The following CD163L1 variants were observed in gnomAD, a reference collection of about 807,000 sequenced individuals.
CD163L1 encodes the protein scavenger receptor cysteine-rich type 1 protein M160.
Under a neutral mutation model 165.4 loss-of-function variants are expected in CD163L1, and 124 were observed. That is an observed-to-expected ratio of 0.75 (90% CI 0.65 to 0.87). The LOEUF is 0.87. CD163L1 is among the 40% of genes least tolerant of loss of function. CD163L1 has a pLI of 0.00. For synonymous variants in CD163L1, 585 were observed against 662.2 expected (o/e 0.88, Z 1.79); for missense variants, 1,525 against 1,799.9 (o/e 0.85, Z 2.76).
chr12:7,421,485 A>ATATATACATATATATACACACATATG (rs1948404506), intron 4 of CD163L1, among the ~76,000 whole-genome samples: 1 of 102,786 alleles, frequency 9.7e-6, no homozygotes, highest in Non-Finnish European at 1.8e-5. Context: ...ATATATGTAC[A>ATATATACATATATATACACACATATG]TATATACATA....
chr12:7,441,307 C>G, intron 1 of CD163L1, 61 bp from the exon 2 acceptor site: 1 of 1,195,878 alleles, frequency 8.4e-7, no homozygotes, highest in South Asian at 1.2e-5. Flanking sequence ...GTTAGATGAC[C>G]TCAATGACTT....
chr12:7,342,418 T>C (rs1229775398), downstream of CD163L1, among the ~76,000 whole-genome samples: 1 of 152,240 alleles, frequency 6.6e-6, no homozygotes, highest in Non-Finnish European at 1.5e-5. Context: ...TTAGTTAATC[T>C]ATAATCTATA....
chr12:7,354,909 A>G (rs369715933), downstream of CD163L1: 1 of 152,160 alleles, frequency 6.6e-6, no homozygotes, highest in Admixed American at 6.5e-5. Flanking sequence ...GGATTTCAAC[A>G]TACAAATTTT....
In CD163L1 at chr12:7,374,594, G is replaced by A. The variant is rs763606774; in HGVS notation, c.3257C>T (p.Thr1086Met). The A allele has an allele frequency of 3.8e-5, 61 of 1,614,076 alleles. 3 individuals are homozygous for A. In the South Asian group the frequency reaches 3.8e-4, roughly 10 times the overall value. The change falls in exon 13 of 20, where the codon ACG (threonine) becomes ATG (methionine). Residue 1086 changes from threonine to methionine, a missense_variant. Physicochemically the swap from Thr to Met is moderately conservative, Grantham distance 81. Coordinates refer to ENST00000313599, the MANE Select transcript of CD163L1 (RefSeq NM_174941.6). This position sits in a 1 kb window ranked among gnomAD's most constrained non-coding sequence, Gnocchi z 5.4. ...KLGCGVAFNATVSAHFGEGSG... is the reference protein window; with the variant it reads ...KLGCGVAFNAMVSAHFGEGSG... ...CCCCTCCCCAAAGTGAGCAGAGACC[G>A]TGGCATTGAAGGCCACTCCACAGCC...
At chr12:7,324,490 C>T in the CD163L1 span, 1 of 1,613,902 alleles carries the variant, frequency 6.2e-7, no homozygotes, top group South Asian at 1.1e-5. Flanking sequence ...AACTTCTTTT[C>T]CTCTTCAGGT....
Position 7,435,595 on chromosome 12 carries a change from A to G in CD163L1, c.125-1901T>C, listed in dbSNP as rs189126336. Among the ~76,000 whole-genome samples, 734 of 152,146 alleles carry G rather than the reference A, an allele frequency of 4.8e-3. 9 individuals are homozygous for G. The highest frequency in any genetic ancestry group is 0.017 in the African/African-American group (694 of 41,554). On this transcript the variant is annotated intron_variant, in intron 2 of 19. Coordinates refer to ENST00000313599, the MANE Select transcript of CD163L1 (RefSeq NM_174941.6). Reference sequence around the variant, plus strand: ...TAAAATATGAGTGAGGATATGAGTCATATCCTCATACATATATTTGAAAAT... The same window carrying G: ...TAAAATATGAGTGAGGATATGAGTCGTATCCTCATACATATATTTGAAAAT...
rs771118215 is a variant in CD163L1 at position 7,375,527 on chromosome 12, C to G, written c.2755G>C (p.Gly919Arg). The change falls in exon 11 of 20, where the codon GGA (glycine) becomes CGA (arginine). Residue 919 changes from glycine to arginine, a missense_variant. Coordinates refer to ENST00000313599, the MANE Select transcript of CD163L1 (RefSeq NM_174941.6). ...CDGQVEINVLGHWGSLCDTHW... is the reference protein window; with the variant it reads ...CDGQVEINVLRHWGSLCDTHW... ...GTGTCACACAGTGAGCCCCAGTGTCCAAGCACGTTGATCTCCACTTGCCCG... is the reference window on the plus strand; with the variant it reads ...GTGTCACACAGTGAGCCCCAGTGTCGAAGCACGTTGATCTCCACTTGCCCG... 6.2e-7 allele frequency: 1 copy of G among 1,613,984 alleles called. No homozygotes were observed. Among genetic ancestry groups the G allele is most frequent in the East Asian group, 2.2e-5 (1 of 44,890 alleles).
chr12:7,414,869 T>C (rs1948207138), intron 4 of CD163L1, among the ~76,000 whole-genome samples: 1 of 152,130 alleles, frequency 6.6e-6, no homozygotes, highest in South Asian at 2.1e-4. Flanking sequence ...TAAAGCTTAA[T>C]TTCAGAAATG....
the CD163L1 span, chr12:7,320,635 A>G: frequency 4.6e-6 from 5 of 1,081,754 alleles, no homozygotes; most frequent in Non-Finnish European, 7.0e-6. Context: ...GCACATATTA[A>G]TGGAAGAAAA....
chr12:7,383,489 C>G (rs1947455052), intron 8 of CD163L1, among the ~76,000 whole-genome samples: 1 of 152,158 alleles, frequency 6.6e-6, no homozygotes, highest in South Asian at 2.1e-4. Flanking sequence ...AAGCAAGCCA[C>G]CTGGAAGCCC....
At chr12:7,359,356 T>A (rs1946845475) in intron 18 of CD163L1, among the ~76,000 whole-genome samples, 1 of 151,862 alleles carries the variant, frequency 6.6e-6, no homozygotes, top group South Asian at 2.1e-4. Context: ...ATAAAAAATA[T>A]TAAAAGAAGC....
chr12:7,401,751 T>C lies in CD163L1; in HGVS notation c.1408+1784A>G, dbSNP rs1449969895. Among the ~76,000 whole-genome samples the C allele has an allele frequency of 3.3e-5, 5 of 151,776 alleles. No individual in the cohort carries two copies. The East Asian group carries it at 9.7e-4, about 29-fold the overall frequency. On this transcript the variant is annotated intron_variant, in intron 6 of 19. Coordinates refer to ENST00000313599, the MANE Select transcript of CD163L1 (RefSeq NM_174941.6). Reference sequence around the variant, plus strand: ...CATACACACACACAATCCAGAAACATAAACAACAAAAAAATCACAAAAGAT... The same window carrying C: ...CATACACACACACAATCCAGAAACACAAACAACAAAAAAATCACAAAAGAT...
chr12:7,351,469 G>C (rs768106369), downstream of CD163L1, among the ~76,000 whole-genome samples: 5 of 152,244 alleles, frequency 3.3e-5, no homozygotes, highest in African/African-American at 1.2e-4. Flanking sequence ...GGTGAAGAGA[G>C]AGCACTCTGA....
chr12:7,336,728 A>T, the CD163L1 span, among the ~76,000 whole-genome samples: 1 of 152,188 alleles, frequency 6.6e-6, no homozygotes, highest in African/African-American at 2.4e-5. Flanking sequence ...GCATAGGAAG[A>T]ATCAATATCG....
chr12:7,403,941 GATTA>G, intron 5 of CD163L1, 86 bp from the exon 6 acceptor site: 2 of 1,015,070 alleles, frequency 2.0e-6, no homozygotes, highest in Non-Finnish European at 1.5e-6. Flanking sequence ...CCAATGTGAA[GATTA>G]GATGTATCCT....
chr12:7,322,444 G>C, the CD163L1 span: 1 of 1,613,816 alleles, frequency 6.2e-7, no homozygotes, highest in Non-Finnish European at 8.5e-7. Flanking sequence ...CTGCGGCACT[G>C]CTTGACCGGA....
At position 7,392,248 on chromosome 12, in the gene CD163L1, T is replaced by C. The variant is rs187869045; in HGVS notation, c.2050+3847A>G. ...TCTCTCAGACCACAGCGCAATCAAA[T>C]TAGAACTCAGAATTAAGAAACTCAC... On this transcript the variant is annotated intron_variant, in intron 8 of 19. Transcript: ENST00000313599. Among the ~76,000 whole-genome samples, 678 of 151,940 alleles carry C rather than the reference T, an allele frequency of 4.5e-3. 1 individual carries two copies. Among genetic ancestry groups the C allele is most frequent in the Non-Finnish European group, 7.6e-3 (515 of 67,940 alleles).
Position 7,398,717 on chromosome 12 carries a change from A to C in CD163L1, c.1409-133T>G. The stretch of plus-strand genomic sequence containing the variant: ...TATATTAGGCACACTTTTGAATGAA[A>C]AGTTTGGTTTTCTTTCTTTTGACAA... On this transcript the variant is annotated intron_variant, in intron 6 of 19. Coordinates refer to ENST00000313599, the MANE Select transcript of CD163L1 (RefSeq NM_174941.6). The surrounding 1 kb of genome is among the most constrained non-coding windows in gnomAD (Gnocchi z 4.5). The C allele has an allele frequency of 1.4e-6, 1 of 705,402 alleles. No individual in the cohort carries two copies. The highest frequency in any genetic ancestry group is 2.1e-6 in the Non-Finnish European group (1 of 484,260). 43.7% of individuals were successfully genotyped at this position (705,402 alleles called of 1,614,324 possible).
intron 4 of CD163L1, among the ~76,000 whole-genome samples, chr12:7,407,810 CACA>C (rs1565801219): frequency 7.4e-6 from 1 of 135,138 alleles, no homozygotes; most frequent in Non-Finnish European, 1.6e-5. Flanking sequence ...CACACACAGA[CACA>C]CACACACACA....
Sources: gnomAD v4.1 joint callset for allele counts (sites outside exome capture counted in the v4.1 genomes callset) on GRCh38, gnomAD v4.1.1 for gene constraint, Gnocchi (gnomAD v3.1) non-coding constraint, MANE v1.5 for transcripts, NCBI Gene and HGNC (gene_info 2026-07-23, HGNC 2026-07-21) for gene names.